The following MDFIC variants were observed in gnomAD, a reference collection of about 807,000 sequenced individuals.
MDFIC encodes the protein MyoD family inhibitor domain containing, also known as myoD family inhibitor domain-containing protein.
A neutral mutation model predicts 23.2 loss-of-function variants in MDFIC; 17 were observed. The observed-to-expected ratio is 0.73, with a 90% confidence interval of 0.50 to 1.10. MDFIC has a LOEUF of 1.10. Among genes scored for constraint, MDFIC ranks in the 50% least tolerant of loss-of-function variants. MDFIC has a pLI of 0.00. For synonymous variants in MDFIC, 120 were observed against 115.2 expected (o/e 1.04, Z -0.27); for missense variants, 356 against 316.6 (o/e 1.12, Z -0.95).
At chr7:114,966,095 T>C (rs1793089908) in intron 3 of MDFIC, among the ~76,000 whole-genome samples, 1 of 152,236 alleles carries the variant, frequency 6.6e-6, no homozygotes, top group Non-Finnish European at 1.5e-5. Flanking sequence ...GATATCATTG[T>C]CATTGAAGAT....
At chr7:114,929,059 A>G (rs1792254088) in intron 2 of MDFIC, among the ~76,000 whole-genome samples, 1 of 94,174 alleles carries the variant, frequency 1.1e-5, no homozygotes, top group Non-Finnish European at 2.5e-5. Flanking sequence ...AGATAAATAT[A>G]GATATAGATC....
chr7:114,922,758 C>G (rs982121272), intron 1 of MDFIC, 122 bp downstream of exon 1: 2 of 1,280,098 alleles, frequency 1.6e-6, no homozygotes, highest in African/African-American at 3.3e-5. Flanking sequence ...CCTGGGACCC[C>G]GCCGCTGTCA....
chr7:114,944,014 G>A (rs1233940707), intron 3 of MDFIC, among the ~76,000 whole-genome samples: 1 of 152,108 alleles, frequency 6.6e-6, no homozygotes, highest in Non-Finnish European at 1.5e-5. Flanking sequence ...ATTTGGTGAA[G>A]CTCATATTAG....
chr7:114,942,218 A>G, intron 2 of MDFIC, 57 bp from the exon 3 acceptor site: 1 of 1,150,576 alleles, frequency 8.7e-7, no homozygotes, highest in South Asian at 1.9e-5. Context: ...TATATACTAA[A>G]AAAGGAGAGA....
chr7:114,955,556 C>T (rs1792867319), intron 3 of MDFIC, among the ~76,000 whole-genome samples: 1 of 152,204 alleles, frequency 6.6e-6, no homozygotes, highest in Non-Finnish European at 1.5e-5. Flanking sequence ...ATTGGTGTCT[C>T]ATTCAGCTCT....
intron 4 of MDFIC, among the ~76,000 whole-genome samples, chr7:114,997,118 G>T (rs1319691738): frequency 6.6e-6 from 1 of 152,198 alleles, no homozygotes; most frequent in South Asian, 2.1e-4. Context: ...TTGTGATCGG[G>T]CTAGAGTGTG....
In MDFIC at chr7:114,922,541, A is replaced by G; in HGVS notation, c.-203A>G. The G allele has an allele frequency of 7.9e-7, 1 of 1,266,230 alleles. No individual in the cohort carries two copies. Among genetic ancestry groups the G allele is most frequent in the East Asian group, 3.0e-5 (1 of 32,904 alleles). The allele number at this position is 1,266,230 out of a possible 1,614,324, so 78.4% of individuals were successfully genotyped here. A position where few individuals can be genotyped will look rare whatever the true frequency, so the allele number is the denominator to read the frequency against. On this transcript the variant is annotated 5_prime_UTR_variant, in exon 1 of 5. Transcript: ENST00000393486. ...GCCGTCGTCAGGCCACCGGGGCGAA[A>G]ATGCGGCCGCTGCCGGAGGCTCGCT...
Position 114,941,167 on chromosome 7 carries a change from C to T in MDFIC, c.95-1108C>T, listed in dbSNP as rs146265568. ...TACTTACAAGAAAAAAAAAGCTCAC[C>T]AAGTGAATTAAAGTGAAGCCAGAAC... On this transcript the variant is annotated intron_variant, in intron 2 of 4. Coordinates refer to ENST00000393486, the MANE Select transcript of MDFIC (RefSeq NM_001166345.3). 3.4e-3 allele frequency among the ~76,000 whole-genome samples: 514 copies of T among 152,158 alleles called. 4 individuals carry two copies. The highest frequency in any genetic ancestry group is 0.012 in the African/African-American group (497 of 41,512).
intron 1 of MDFIC, 76 bp from the exon 2 acceptor site, chr7:114,922,846 GGGGGA>G: frequency 6.9e-7 from 1 of 1,456,902 alleles, no homozygotes; most frequent in Non-Finnish European, 9.2e-7. Flanking sequence ...GGGAAGTGGA[GGGGGA>G]GGGAACGTCC....
At chr7:114,967,830 C>CTTTTTTTTT (rs56343596) in intron 3 of MDFIC, among the ~76,000 whole-genome samples, 6 of 118,790 alleles carry the variant, frequency 5.1e-5, no homozygotes, top group South Asian at 2.5e-4. Flanking sequence ...TCTTTCTTTT[C>CTTTTTTTTT]TTTTTTTTTT....
intron 2 of MDFIC, chr7:114,923,793 T>C: frequency 1.9e-6 from 1 of 535,136 alleles, no homozygotes; most frequent in Non-Finnish European, 2.8e-6. Flanking sequence ...TTGAAGGCAA[T>C]ATACTTTAGG....
intron 3 of MDFIC, among the ~76,000 whole-genome samples, chr7:114,955,674 G>A (rs376199607): frequency 9.9e-5 from 15 of 152,270 alleles, no homozygotes; most frequent in South Asian, 2.1e-4. Context: ...TACATTTAGC[G>A]TCTCTGTAGG....
At position 115,016,807 on chromosome 7, in the gene MDFIC, T is replaced by C. The variant is rs1352100049; in HGVS notation, c.*872T>C. 1 of 152,438 alleles carries C rather than the reference T, an allele frequency of 6.6e-6. No individual in the cohort carries two copies. Among genetic ancestry groups the C allele is most frequent in the Non-Finnish European group, 1.5e-5 (1 of 68,260 alleles). The allele number at this position is 152,438 out of a possible 1,614,324, so 9.4% of individuals were successfully genotyped here. On this transcript the variant is annotated 3_prime_UTR_variant, in exon 5 of 5. Transcript: ENST00000393486. ...TGTTCAACAGACTCTGAATGCCGAC[T>C]GTGTGGACTCTCTTCCTCAGACTGT...
chr7:114,987,803 T>A (rs1213854563), intron 4 of MDFIC, among the ~76,000 whole-genome samples: 3 of 152,174 alleles, frequency 2.0e-5, no homozygotes, highest in African/African-American at 7.2e-5. Context: ...CTGTCTTTTT[T>A]TAAAAAATAA....
chr7:114,930,992 G>C (rs912564221), intron 2 of MDFIC, among the ~76,000 whole-genome samples: 1 of 152,116 alleles, frequency 6.6e-6, no homozygotes, highest in Non-Finnish European at 1.5e-5. Flanking sequence ...CAGCCCTTCT[G>C]TCTTAATCAG....
At chr7:115,012,685 T>C (rs1388370416) in intron 4 of MDFIC, among the ~76,000 whole-genome samples, 1 of 152,028 alleles carries the variant, frequency 6.6e-6, no homozygotes, top group Non-Finnish European at 1.5e-5. Context: ...TATCCATAAA[T>C]AGTAGAATGA....
Position 114,954,582 on chromosome 7 carries a change from T to G in MDFIC, c.217+12185T>G, listed in dbSNP as rs559232939. Among the ~76,000 whole-genome samples, 5 of 152,336 alleles carry G rather than the reference T, an allele frequency of 3.3e-5. No homozygotes were observed. In the East Asian group the frequency reaches 9.6e-4, roughly 29 times the overall value. On this transcript the variant is annotated intron_variant, in intron 3 of 4. Coordinates refer to ENST00000393486, the MANE Select transcript of MDFIC (RefSeq NM_001166345.3). ...TCTCAGTTTTTAGTTGGTTTCCATT[T>G]TGGGTTCATTATTGCCTTTTGATTT...
At chr7:114,969,122 T>G (rs1487214328) in intron 3 of MDFIC, among the ~76,000 whole-genome samples, 1 of 152,224 alleles carries the variant, frequency 6.6e-6, no homozygotes, top group East Asian at 1.9e-4. Context: ...TCTCTACACA[T>G]AGTATGATAT....
chr7:115,004,536 GT>G (rs1185768401), intron 4 of MDFIC, among the ~76,000 whole-genome samples: 1 of 152,236 alleles, frequency 6.6e-6, no homozygotes, highest in Admixed American at 6.5e-5. Flanking sequence ...AATCACAACA[GT>G]TATGGCACTG....
Sources: allele counts gnomAD v4.1 joint callset (sites outside exome capture counted in the v4.1 genomes callset), GRCh38; gene constraint gnomAD v4.1.1; transcripts MANE v1.5; gene names NCBI Gene and HGNC (gene_info 2026-07-23, HGNC 2026-07-21).